Variants in ADARB2 observed in about 807,000 individuals in gnomAD.
The protein encoded by ADARB2 is inactive double-stranded RNA-specific editase B2.
In ADARB2, 25 loss-of-function variants were observed where a neutral mutation model predicts 62.2. That is an observed-to-expected ratio of 0.40 (90% CI 0.29 to 0.56). The LOEUF (loss-of-function observed/expected upper bound fraction) is 0.56, where lower values mean the gene tolerates loss of function less well. Among genes scored for constraint, ADARB2 ranks in the 20% least tolerant of loss-of-function variants. The pLI is 0.43. For synonymous variants in ADARB2, 572 were observed against 500.8 expected (o/e 1.14, Z -1.90); for missense variants, 1,071 against 1,077.4 (o/e 0.99, Z 0.08).
chr10:1,736,274 C>T (rs1835299383), intron 1 of ADARB2, among the ~76,000 whole-genome samples: 1 of 152,160 alleles, frequency 6.6e-6, no homozygotes, highest in Admixed American at 6.5e-5. Context: ...GGAGCGATTG[C>T]TAATTTTGCA....
chr10:1,404,755 G>T (rs1475195703), intron 1 of ADARB2, among the ~76,000 whole-genome samples: 1 of 152,212 alleles, frequency 6.6e-6, no homozygotes, highest in Non-Finnish European at 1.5e-5. Context: ...TGGACCCAAA[G>T]GACCCTGGAC....
chr10:1,186,937 C>T (rs187914794), intron 8 of ADARB2, among the ~76,000 whole-genome samples: 3 of 152,232 alleles, frequency 2.0e-5, no homozygotes, highest in South Asian at 2.1e-4. Flanking sequence ...CATTTAAATT[C>T]GGGGAAGACC....
In ADARB2 at chr10:1,179,041, CTACTT is replaced by C. The variant is rs1836627398; in HGVS notation, c.*4147_*4151del. 1 of 152,186 alleles carries C rather than the reference CTACTT, an allele frequency of 6.6e-6. No homozygotes were observed. Among genetic ancestry groups the C allele is most frequent in the Non-Finnish European group, 1.5e-5 (1 of 68,036 alleles). The allele number at this position is 152,186 out of a possible 1,614,324, so 9.4% of individuals were successfully genotyped here. On this transcript the variant is annotated 3_prime_UTR_variant, in exon 10 of 10. Coordinates refer to ENST00000381312, the MANE Select transcript of ADARB2 (RefSeq NM_018702.4). ...ATAAGTTTCCCTAAATTAAAAATGT[CTACTT>C]TATGTACGTCTCAAATGTCTTCAGT... is the stretch of plus-strand genomic sequence containing the variant.
intron 1 of ADARB2, among the ~76,000 whole-genome samples, chr10:1,444,929 A>G (rs1021175323): frequency 4.2e-5 from 6 of 143,434 alleles, no homozygotes; most frequent in Non-Finnish European, 7.6e-5. Flanking sequence ...TTCTCCTTCC[A>G]TCTATCAATC....
chr10:1,612,875 G>A (rs1564347033), intron 1 of ADARB2, among the ~76,000 whole-genome samples: 1 of 152,262 alleles, frequency 6.6e-6, no homozygotes, highest in Non-Finnish European at 1.5e-5. Flanking sequence ...TTGAGGATAA[G>A]TGTGCAGAGC....
intron 1 of ADARB2, among the ~76,000 whole-genome samples, chr10:1,660,233 C>A (rs1387803127): frequency 6.6e-6 from 1 of 152,264 alleles, no homozygotes; most frequent in African/African-American, 2.4e-5. Flanking sequence ...GCACTGGCTA[C>A]TTCCTGGAGG....
At chr10:1,221,534 A>G (rs1830695199) in intron 6 of ADARB2, among the ~76,000 whole-genome samples, 1 of 151,850 alleles carries the variant, frequency 6.6e-6, no homozygotes, top group African/African-American at 2.4e-5. Flanking sequence ...ATCATTTAGC[A>G]TTAGGTATAT....
chr10:1,649,870 G>A (rs1419833067), intron 1 of ADARB2, among the ~76,000 whole-genome samples: 1 of 152,210 alleles, frequency 6.6e-6, no homozygotes, highest in Non-Finnish European at 1.5e-5. Context: ...GTGATGCACA[G>A]GTAATTACTC....
chr10:1,354,161 C>T (rs986213712), intron 3 of ADARB2, among the ~76,000 whole-genome samples: 16 of 152,052 alleles, frequency 1.1e-4, no homozygotes, highest in Non-Finnish European at 2.4e-4. Flanking sequence ...AAATTTTCGC[C>T]GCCCCAATAC....
rs1307358545 is a variant in ADARB2, at chr10:1,464,612, C to T, written c.101-85452G>A. On this transcript the variant is annotated intron_variant, in intron 1 of 9. Coordinates refer to ENST00000381312, the MANE Select transcript of ADARB2 (RefSeq NM_018702.4). ...GGGTGGACACACACTCCCCCACACA[C>T]GCGCTGGGGGCAGTCACAGCGGGCA... Among the ~76,000 whole-genome samples the T allele has an allele frequency of 5.7e-5, 4 of 70,182 alleles. 1 individual carries two copies. Among genetic ancestry groups the T allele is most frequent in the Non-Finnish European group, 1.3e-4 (4 of 30,960 alleles). The allele number at this position is 70,182 out of a possible 152,430, so 46.0% of individuals were successfully genotyped here.
At chr10:1,602,940 GCA>G in intron 1 of ADARB2, among the ~76,000 whole-genome samples, 1 of 147,198 alleles carries the variant, frequency 6.8e-6, no homozygotes, top group Admixed American at 6.9e-5. Context: ...CACATCATGC[GCA>G]CACCTGTACA....
chr10:1,482,345 C>A (rs73580361), intron 1 of ADARB2, among the ~76,000 whole-genome samples: 2,073 of 152,284 alleles, frequency 0.014, 49 homozygotes, highest in African/African-American at 0.048. Flanking sequence ...TCCATCAGTG[C>A]ACGAATGGAT....
chr10:1,678,266 G>A (rs1344488598), intron 1 of ADARB2: 8 of 985,116 alleles, frequency 8.1e-6, no homozygotes, highest in Non-Finnish European at 9.6e-6. Context: ...TCCTCAGGGT[G>A]AGGGACCTCG....
At chr10:1,372,325 A>G (rs1250529332) in intron 2 of ADARB2, among the ~76,000 whole-genome samples, 22 of 35,368 alleles carry the variant, frequency 6.2e-4, no homozygotes, top group Non-Finnish European at 2.6e-3. Context: ...GGAGGGAGGA[A>G]TGGGTAAGAT....
intron 1 of ADARB2, among the ~76,000 whole-genome samples, chr10:1,625,880 T>TGCACCACTTCTCACGCCTCTGCCTGACC (rs1833759284): frequency 6.9e-6 from 1 of 145,746 alleles, no homozygotes; most frequent in East Asian, 2.0e-4. Context: ...CCTGCCTGGC[T>TGCACCACTTCTCACGCCTCTGCCTGACC]GCCCCACTTC....
chr10:1,486,186 G>T (rs990017581), intron 1 of ADARB2, among the ~76,000 whole-genome samples: 1 of 151,114 alleles, frequency 6.6e-6, no homozygotes. Context: ...AAATGTGTGT[G>T]TGCATGTGTA....
chr10:1,736,980 C>T (rs1190746889), intron 1 of ADARB2, 71 bp downstream of exon 1: 2 of 1,504,440 alleles, frequency 1.3e-6, no homozygotes. Context: ...GCCCGGAGAC[C>T]CCATGAGAGG....
chr10:1,545,602 G>T (rs1426513526), intron 1 of ADARB2, among the ~76,000 whole-genome samples: 1 of 152,192 alleles, frequency 6.6e-6, no homozygotes, highest in East Asian at 1.9e-4. Flanking sequence ...AGCCAGGAAG[G>T]GTCCTCGTGG....
At chr10:1,405,918 C>T (rs988272474) in intron 1 of ADARB2, among the ~76,000 whole-genome samples, 1 of 152,116 alleles carries the variant, frequency 6.6e-6, no homozygotes, top group African/African-American at 2.4e-5. Context: ...CCCCTAGATA[C>T]ACCCGTTTAT....
Sources: gnomAD v4.1 joint callset for allele counts (sites outside exome capture counted in the v4.1 genomes callset) on GRCh38, gnomAD v4.1.1 for gene constraint, MANE v1.5 for transcripts, NCBI Gene and HGNC (gene_info 2026-07-23, HGNC 2026-07-21) for gene names.